The following RRM2B variants were observed in gnomAD, a reference collection of about 807,000 sequenced individuals.
The protein encoded by RRM2B is ribonucleotide reductase regulatory TP53 inducible subunit M2B, also known as ribonucleoside-diphosphate reductase subunit M2 B.
A neutral mutation model predicts 45.9 loss-of-function variants in RRM2B; 20 were observed. That is an observed-to-expected ratio of 0.44 (90% CI 0.31 to 0.63). The LOEUF (loss-of-function observed/expected upper bound fraction) is 0.63. RRM2B is among the 30% of genes least tolerant of loss of function. RRM2B has a pLI of 0.09. For synonymous variants in RRM2B, 124 were observed against 132.3 expected, an observed-to-expected ratio of 0.94 and a Z score of 0.43; for missense variants, 320 against 414.7, an observed-to-expected ratio of 0.77 and a Z score of 1.98.
At chr8:102,221,646 A>G (rs755321083) in intron 5 of RRM2B, among the ~76,000 whole-genome samples, 4 of 152,128 alleles carry the variant, frequency 2.6e-5, no homozygotes, top group Non-Finnish European at 5.9e-5. Flanking sequence ...GAGACCCTAT[A>G]TTAGAACCTG....
chr8:102,211,767 A>T (rs1810639959), intron 8 of RRM2B, among the ~76,000 whole-genome samples: 1 of 152,234 alleles, frequency 6.6e-6, no homozygotes, highest in South Asian at 2.1e-4. Context: ...CTCATTAATT[A>T]GTAAACACAG....
At chr8:102,224,344 G>A (rs1384198364) in intron 4 of RRM2B, among the ~76,000 whole-genome samples, 5 of 152,078 alleles carry the variant, frequency 3.3e-5, no homozygotes, top group East Asian at 3.9e-4. Flanking sequence ...ACCACGCCCG[G>A]CTAGTATTTT....
In RRM2B at chr8:102,208,004, G is replaced by T; in HGVS notation, c.*129C>A. ...ATATAAATGCAAATTGTTTAGAATA[G>T]GTTTTGGATTTCCTTTTGAGCAAAC... On this transcript the variant is annotated 3_prime_UTR_variant, in exon 9 of 9. Coordinates refer to ENST00000251810, the MANE Select transcript of RRM2B (RefSeq NM_015713.5). The T allele has an allele frequency of 2.8e-6, 2 of 710,858 alleles. No homozygotes were observed. Among genetic ancestry groups the T allele is most frequent in the Non-Finnish European group, 2.4e-6 (1 of 414,636 alleles). 44.0% of individuals were successfully genotyped at this position (710,858 alleles called of 1,614,324 possible). A position where few individuals can be genotyped will look rare whatever the true frequency, so the allele number is the denominator to read the frequency against.
At chr8:102,238,444 T>C (rs1587191359) in intron 1 of RRM2B, 1 of 937,968 alleles carries the variant, frequency 1.1e-6, no homozygotes, top group Admixed American at 3.2e-5. Context: ...TATGCACCTC[T>C]CCAGCAGAGC....
At chr8:102,214,632 T>G (rs954457383) in intron 6 of RRM2B, among the ~76,000 whole-genome samples, 1 of 148,864 alleles carries the variant, frequency 6.7e-6, no homozygotes, top group Non-Finnish European at 1.5e-5. Flanking sequence ...AAATGGAAAC[T>G]GAGGTGGGGC....
At chr8:102,214,319 C>G (rs990106934) in intron 6 of RRM2B, 161 bp from the exon 7 acceptor site, 5 of 654,770 alleles carry the variant, frequency 7.6e-6, no homozygotes, top group African/African-American at 1.8e-5. Flanking sequence ...TCTTTCAAAT[C>G]TCATTAAATG....
intron 6 of RRM2B, chr8:102,214,513 T>C (rs1428988225): frequency 1.5e-5 from 4 of 263,716 alleles, no homozygotes; most frequent in Non-Finnish European, 3.0e-5. Flanking sequence ...AATTAAGGAA[T>C]GATTGAAAAA....
intron 5 of RRM2B, among the ~76,000 whole-genome samples, chr8:102,223,453 G>C (rs1425076145): frequency 6.6e-6 from 1 of 152,100 alleles, no homozygotes; most frequent in Non-Finnish European, 1.5e-5. Context: ...AGCACTTTGG[G>C]AGGCCAAGGT....
At chr8:102,219,544 C>T (rs1170120362) in intron 5 of RRM2B, among the ~76,000 whole-genome samples, 3 of 152,098 alleles carry the variant, frequency 2.0e-5, no homozygotes, top group African/African-American at 7.2e-5. Flanking sequence ...CTGCTAAATA[C>T]AAAATGGCCA....
rs374142867 is a variant in RRM2B at position 102,206,125 on chromosome 8, CTA to C, written c.*2006_*2007del. ...ACCTGAATACAGTTCAAATGTCTCT[CTA>C]TATTTTGATACTTTAATATATATAT... On this transcript the variant is annotated 3_prime_UTR_variant, in exon 9 of 9. Transcript: ENST00000251810. The C allele has an allele frequency of 3.3e-4, 50 of 151,852 alleles. No homozygotes were observed. The East Asian group carries it at 9.1e-3, about 28-fold the overall frequency. 9.4% of individuals were successfully genotyped at this position (151,852 alleles called of 1,614,324 possible). A position where few individuals can be genotyped will look rare whatever the true frequency, so the allele number is the denominator to read the frequency against.
At chr8:102,230,962 G>A (rs1416129815) in intron 2 of RRM2B, among the ~76,000 whole-genome samples, 1 of 152,152 alleles carries the variant, frequency 6.6e-6, no homozygotes, top group African/African-American at 2.4e-5. Flanking sequence ...TTGTACCTAG[G>A]CAGTCTGACC....
In RRM2B at chr8:102,208,295, A is replaced by T; in HGVS notation, c.904-10T>A. 4 of 1,517,392 alleles carry T rather than the reference A, an allele frequency of 2.6e-6. No individual in the cohort carries two copies. Among genetic ancestry groups the T allele is most frequent in the Non-Finnish European group, 3.7e-6 (4 of 1,093,128 alleles). 94.0% of individuals were successfully genotyped at this position (1,517,392 alleles called of 1,614,324 possible). A position where few individuals can be genotyped will look rare whatever the true frequency, so the allele number is the denominator to read the frequency against. On this transcript the variant is annotated splice_polypyrimidine_tract_variant and intron_variant, in intron 8 of 8. Coordinates refer to ENST00000251810, the MANE Select transcript of RRM2B (RefSeq NM_015713.5). ...TTTCTGCCTGAAAAACCTAAAAAGG[A>T]AAGAAATATTATTAGACATTCTGAA... is the stretch of plus-strand genomic sequence containing the variant.
intron 1 of RRM2B, 200 bp downstream of exon 1, chr8:102,238,627 C>A (rs777607940): frequency 1.3e-6 from 2 of 1,532,848 alleles, no homozygotes; most frequent in South Asian, 1.2e-5. Flanking sequence ...GGACGCAAAC[C>A]CAAAGTCAGC....
chr8:102,220,218 AC>A (rs1441671040), intron 5 of RRM2B, among the ~76,000 whole-genome samples: 1 of 152,162 alleles, frequency 6.6e-6, no homozygotes, highest in Non-Finnish European at 1.5e-5. Context: ...CAGCTGGGCG[AC>A]AGAGTGAGCC....
chr8:102,225,852 C>G, intron 3 of RRM2B, 66 bp downstream of exon 3: 1 of 882,040 alleles, frequency 1.1e-6, no homozygotes, highest in Non-Finnish European at 1.9e-6. Context: ...ATTTAATAAT[C>G]TTACTGACAT....
intron 5 of RRM2B, among the ~76,000 whole-genome samples, chr8:102,220,630 G>C (rs1271946431): frequency 6.6e-6 from 1 of 152,106 alleles, no homozygotes; most frequent in Admixed American, 6.5e-5. Context: ...TAGAGCTAAG[G>C]TCTCTCTACG....
chr8:102,237,863 TCTA>T (rs1219200865), intron 1 of RRM2B, among the ~76,000 whole-genome samples: 1 of 152,240 alleles, frequency 6.6e-6, no homozygotes, highest in African/African-American at 2.4e-5. Flanking sequence ...AAACCTGGAA[TCTA>T]CAACTTTCTA....
In RRM2B at chr8:102,235,757, T is replaced by G. The variant is rs147227177; in HGVS notation, c.48+3070A>C. Among the ~76,000 whole-genome samples the G allele has an allele frequency of 6.0e-3, 915 of 152,270 alleles. 4 individuals are homozygous for G. The highest frequency in any genetic ancestry group is 1.0e-2 in the Non-Finnish European group (680 of 68,024). On this transcript the variant is annotated intron_variant, in intron 1 of 8. Coordinates refer to ENST00000251810, the MANE Select transcript of RRM2B (RefSeq NM_015713.5). ...GGGAGGCTGAGGCAGGAGAATCACT[T>G]GAACCCAAGAGGCAGAGGTTGCAGT... is the stretch of plus-strand genomic sequence containing the variant.
At chr8:102,231,971 T>C (rs1587185803) in intron 2 of RRM2B, among the ~76,000 whole-genome samples, 178 bp downstream of exon 2, 2 of 152,308 alleles carry the variant, frequency 1.3e-5, no homozygotes, top group Middle Eastern at 3.4e-3. Context: ...AACTTGTTTA[T>C]AGATAGTAAT....
Sources: allele counts gnomAD v4.1 joint callset (sites outside exome capture counted in the v4.1 genomes callset), GRCh38; gene constraint gnomAD v4.1.1; transcripts MANE v1.5; gene names NCBI Gene and HGNC (gene_info 2026-07-23, HGNC 2026-07-21).